Variants in KCNQ5 observed in about 807,000 individuals in gnomAD.
KCNQ5 encodes the protein potassium voltage-gated channel subfamily Q member 5.
KCNQ5 carries 30 observed loss-of-function variants against 98.2 expected under a neutral mutation model. The ratio of observed to expected loss-of-function variants is 0.31; its 90% confidence interval spans 0.23 to 0.41. The LOEUF (loss-of-function observed/expected upper bound fraction) is 0.41. Ranked by LOEUF, KCNQ5 falls within the 10% of genes least tolerant of loss-of-function variation. KCNQ5 has a pLI of 1.00. For synonymous variants in KCNQ5, 458 were observed against 449.4 expected (o/e 1.02, Z -0.24); for missense variants, 835 against 1,182.5 (o/e 0.71, Z 4.31).
intron 1 of KCNQ5, among the ~76,000 whole-genome samples, chr6:72,709,173 TA>T (rs1021845162): frequency 1.3e-5 from 2 of 152,178 alleles, no homozygotes; most frequent in Non-Finnish European, 2.9e-5. Flanking sequence ...TAAGATTCTC[TA>T]AAAATGAAAC....
intron 1 of KCNQ5, among the ~76,000 whole-genome samples, chr6:72,940,204 G>A (rs1248306086): frequency 1.3e-5 from 2 of 152,162 alleles, no homozygotes; most frequent in African/African-American, 2.4e-5. Context: ...AGCAGAACCA[G>A]AAAGGGCCTG....
chr6:72,647,471 GAAAAA>G (rs897393682), intron 1 of KCNQ5, among the ~76,000 whole-genome samples: 2 of 140,020 alleles, frequency 1.4e-5, no homozygotes, highest in Non-Finnish European at 3.2e-5. Flanking sequence ...GAAAAAAAAA[GAAAAA>G]AAAAAAGAGA....
chr6:72,706,218 T>C (rs1415688381), intron 1 of KCNQ5, among the ~76,000 whole-genome samples: 1 of 152,016 alleles, frequency 6.6e-6, no homozygotes, highest in Non-Finnish European at 1.5e-5. Context: ...AATCTAGCCA[T>C]CATTATTTCT....
rs1387326237 is a variant in KCNQ5 at position 73,196,753 on chromosome 6, C to G, written c.*1339C>G. On this transcript the variant is annotated 3_prime_UTR_variant, in exon 14 of 14. Transcript: ENST00000370398. ...TGATATAAACATTTACAATTAGAAG[C>G]TAGATAGTACTGGCAGAGTCTGCAA... 5 of 152,024 alleles carry G rather than the reference C, an allele frequency of 3.3e-5. No individual in the cohort carries two copies. The highest frequency in any genetic ancestry group is 9.7e-5 in the African/African-American group (4 of 41,364). The allele number at this position is 152,024 out of a possible 1,614,324, so 9.4% of individuals were successfully genotyped here.
intron 1 of KCNQ5, among the ~76,000 whole-genome samples, chr6:73,001,547 C>T (rs1769570302): frequency 6.6e-6 from 1 of 152,162 alleles, no homozygotes; most frequent in Non-Finnish European, 1.5e-5. Context: ...AGGAAAGCAT[C>T]TTAATGATTA....
intron 5 of KCNQ5, among the ~76,000 whole-genome samples, chr6:73,094,509 A>T (rs1774398529): frequency 6.6e-6 from 1 of 151,796 alleles, no homozygotes; most frequent in African/African-American, 2.4e-5. Context: ...TTTTTGTTTT[A>T]TAGGTCCTGT....
chr6:72,928,016 A>T (rs1230366917), intron 1 of KCNQ5, among the ~76,000 whole-genome samples: 1 of 152,066 alleles, frequency 6.6e-6, no homozygotes, highest in Non-Finnish European at 1.5e-5. Flanking sequence ...CATGAAAAGG[A>T]GGGAAAATAG....
At chr6:72,879,619 A>C (rs1316144188) in intron 1 of KCNQ5, among the ~76,000 whole-genome samples, 2 of 152,140 alleles carry the variant, frequency 1.3e-5, no homozygotes, top group African/African-American at 4.8e-5. Flanking sequence ...AGTTTGTTTA[A>C]TCGTCTTGTG....
chr6:72,935,399 G>T (rs1190772101), intron 1 of KCNQ5, among the ~76,000 whole-genome samples: 1 of 152,060 alleles, frequency 6.6e-6, no homozygotes, highest in African/African-American at 2.4e-5. Flanking sequence ...TCTTGTGCCT[G>T]AGAAACTAAA....
At chr6:73,077,597 C>T in intron 4 of KCNQ5, 100 bp downstream of exon 4, 1 of 1,382,490 alleles carries the variant, frequency 7.2e-7, no homozygotes, top group Non-Finnish European at 9.7e-7. Flanking sequence ...TTAGTCATTG[C>T]AGAAAATGGT....
chr6:72,877,221 A>AC (rs1233672960), intron 1 of KCNQ5, among the ~76,000 whole-genome samples: 8 of 149,880 alleles, frequency 5.3e-5, no homozygotes, highest in Admixed American at 2.7e-4. Flanking sequence ...CCTTGCCCCG[A>AC]CCCCCCCGAC....
At chr6:72,907,533 T>C (rs915953953) in intron 1 of KCNQ5, among the ~76,000 whole-genome samples, 5 of 152,312 alleles carry the variant, frequency 3.3e-5, no homozygotes, top group Admixed American at 6.5e-5. Flanking sequence ...TTCCTTTCTC[T>C]ACTATGAAAA....
At chr6:72,694,561 A>G (rs2154474355) in intron 1 of KCNQ5, among the ~76,000 whole-genome samples, 1 of 152,226 alleles carries the variant, frequency 6.6e-6, no homozygotes, top group Admixed American at 6.5e-5. Flanking sequence ...AATGAAGCTC[A>G]CTGAGCCAGA....
intron 1 of KCNQ5, among the ~76,000 whole-genome samples, chr6:72,694,705 C>A (rs115498470): frequency 3.3e-5 from 5 of 152,192 alleles, no homozygotes; most frequent in African/African-American, 9.7e-5. Context: ...TGGAACTACA[C>A]CTTTTTTTAA....
intron 2 of KCNQ5, among the ~76,000 whole-genome samples, chr6:73,020,698 T>G (rs558943227): frequency 6.6e-6 from 1 of 152,234 alleles, no homozygotes; most frequent in South Asian, 2.1e-4. Context: ...TGAAGCTGCC[T>G]AGGGGTTTCC....
chr6:72,821,759 C>T (rs1775762455), intron 1 of KCNQ5, among the ~76,000 whole-genome samples: 1 of 151,988 alleles, frequency 6.6e-6, no homozygotes, highest in African/African-American at 2.4e-5. Context: ...GACTATTTTA[C>T]TCCTCTTCTG....
At chr6:72,665,376 T>G (rs978895155) in intron 1 of KCNQ5, among the ~76,000 whole-genome samples, 2 of 150,578 alleles carry the variant, frequency 1.3e-5, no homozygotes, top group Non-Finnish European at 3.0e-5. Flanking sequence ...GTTTTAAGAC[T>G]GTGAGTTGAG....
chr6:72,812,965 T>A (rs1561999869), intron 1 of KCNQ5, among the ~76,000 whole-genome samples: 1 of 152,198 alleles, frequency 6.6e-6, no homozygotes, highest in Non-Finnish European at 1.5e-5. Context: ...TTATAATCTA[T>A]TGATAATTAA....
chr6:72,985,055 A>T (rs976068871), intron 1 of KCNQ5, among the ~76,000 whole-genome samples: 2 of 152,082 alleles, frequency 1.3e-5, no homozygotes, highest in African/African-American at 4.8e-5. Flanking sequence ...TTTTTGTCTA[A>T]ATTAACCTGG....
Sources: gnomAD v4.1 joint callset for allele counts (sites outside exome capture counted in the v4.1 genomes callset) on GRCh38, gnomAD v4.1.1 for gene constraint, MANE v1.5 for transcripts, NCBI Gene and HGNC (gene_info 2026-07-23, HGNC 2026-07-21) for gene names.